The following TRIM31 variants were observed in gnomAD, a reference collection of about 807,000 sequenced individuals.
The protein encoded by TRIM31 is tripartite motif containing 31.
Under a neutral mutation model 40.6 loss-of-function variants are expected in TRIM31, and 31 were observed. That is an observed-to-expected ratio of 0.76 (90% CI 0.57 to 1.03). The LOEUF (loss-of-function observed/expected upper bound fraction) is 1.03, where lower values mean the gene tolerates loss of function less well. TRIM31 is among the 50% of genes least tolerant of loss of function. The pLI, the probability that TRIM31 is intolerant of heterozygous loss-of-function variation, is 0.00. For missense variants in TRIM31, 455 were observed against 497.5 expected, an observed-to-expected ratio of 0.91 and a Z score of 0.81; for synonymous variants, 164 against 193.9, an observed-to-expected ratio of 0.85 and a Z score of 1.28.
chr6:30,106,022 C>G (rs190895975), intron 6 of TRIM31, among the ~76,000 whole-genome samples: 3 of 152,362 alleles, frequency 2.0e-5, no homozygotes, highest in African/African-American at 7.2e-5. Context: ...TCCCAGTTCA[C>G]CCCTGCCAGA....
At chr6:30,106,082 G>T (rs1768655741) in intron 6 of TRIM31, among the ~76,000 whole-genome samples, 2 of 152,224 alleles carry the variant, frequency 1.3e-5, no homozygotes, top group South Asian at 2.1e-4. Context: ...GGGGACAATG[G>T]CCCATTCCTG....
rs369895511 is a variant in TRIM31 at position 30,110,667 on chromosome 6, T to G, written c.525A>C (p.Glu175Asp). 2.9e-4 allele frequency: 471 copies of G among 1,614,158 alleles called. 42 individuals are homozygous for G. Among genetic ancestry groups the G allele is most frequent in the East Asian group, 2.0e-3 (90 of 44,882 alleles). ...HRVDVFTDQVEHEKQRILTEF... is the reference protein window; with the variant it reads ...HRVDVFTDQVDHEKQRILTEF... ...CTGTGAGGATCCTTTGCTTCTCATG[T>G]TCTACCTGGTCCTAAGAAACAGGGA... The change falls in exon 4 of 9, where the codon GAA becomes GAC. Residue 175 changes from glutamate (E) to aspartate (D), a missense_variant. By Grantham distance (45) the Glu-to-Asp change is conservative. Transcript: ENST00000376734.
At chr6:30,111,891 A>C in intron 2 of TRIM31, 148 bp from the exon 3 acceptor site, 1 of 721,356 alleles carries the variant, frequency 1.4e-6, no homozygotes, top group Non-Finnish European at 2.3e-6. Flanking sequence ...CTGGCGGGGA[A>C]AGGGGTTGCT....
chr6:30,111,406 T>C (rs750035265), intron 3 of TRIM31: 1 of 529,538 alleles, frequency 1.9e-6, no homozygotes, highest in Non-Finnish European at 3.3e-6. Context: ...CTTGCGATTC[T>C]AAGACCAGCG....
intron 7 of TRIM31, among the ~76,000 whole-genome samples, chr6:30,104,554 TTCTC>T (rs1206539493): frequency 1.3e-5 from 2 of 152,148 alleles, no homozygotes; most frequent in Non-Finnish European, 2.9e-5. Flanking sequence ...GGAGTTCTAA[TTCTC>T]TCTCTTTCAC....
chr6:30,109,083 C>T (rs763513381), intron 4 of TRIM31, 35 bp from the exon 5 acceptor site: 1 of 1,612,328 alleles, frequency 6.2e-7, no homozygotes, highest in South Asian at 1.1e-5. Context: ...AGCCTCAGCA[C>T]TTGGCTGATT....
At chr6:30,108,559 C>CAAA (rs28381623) in intron 5 of TRIM31, among the ~76,000 whole-genome samples, 26 of 96,558 alleles carry the variant, frequency 2.7e-4, no homozygotes, top group Non-Finnish European at 3.7e-4. Context: ...AGCTCCATCT[C>CAAA]AAAAAAAAAA....
At chr6:30,105,102 A>G (rs1768544612) in intron 7 of TRIM31, 66 bp downstream of exon 7, 1 of 1,419,480 alleles carries the variant, frequency 7.0e-7, no homozygotes. Flanking sequence ...TCATAGAGAC[A>G]CAATTCTTCC....
In TRIM31 at chr6:30,105,189, T is replaced by C; in HGVS notation, c.937A>G (p.Asn313Asp). The change falls in exon 7 of 9, where the codon AAT (asparagine) becomes GAT (aspartate). Residue 313 changes from asparagine to aspartate, a missense_variant. Physicochemically the swap from Asn to Asp is conservative, Grantham distance 23. Coordinates refer to ENST00000376734, the MANE Select transcript of TRIM31 (RefSeq NM_007028.5). Reference protein sequence around the residue: ...KDENRFFKSMNKNDMKSWGLL... With the variant: ...KDENRFFKSMDKNDMKSWGLL... Reference sequence around the variant, plus strand: ...TTACAGCTCTTCATGTCATTTTTATTCATGCTTTTGAAGAATCTGTTTTCA... The same window carrying C: ...TTACAGCTCTTCATGTCATTTTTATCCATGCTTTTGAAGAATCTGTTTTCA... 6.2e-7 allele frequency: 1 copy of C among 1,612,858 alleles called. No homozygotes were observed. Among genetic ancestry groups the C allele is most frequent in the Non-Finnish European group, 8.5e-7 (1 of 1,179,974 alleles).
At position 30,111,756 on chromosome 6, in the gene TRIM31, G is replaced by C; in HGVS notation, c.418-13C>G. The C allele has an allele frequency of 6.2e-7, 1 of 1,613,934 alleles. No homozygotes were observed. The highest frequency in any genetic ancestry group is 8.5e-7 in the Non-Finnish European group (1 of 1,179,822). On this transcript the variant is annotated splice_polypyrimidine_tract_variant and intron_variant, in intron 2 of 8. Coordinates refer to ENST00000376734, the MANE Select transcript of TRIM31 (RefSeq NM_007028.5). ...CTTGAATCTGCCCCTGCGGAAAGAGGGCCGTTTGGACAGGCTGTGCCTGGA... is the reference window on the plus strand; with the variant it reads ...CTTGAATCTGCCCCTGCGGAAAGAGCGCCGTTTGGACAGGCTGTGCCTGGA...
chr6:30,111,868 C>T (rs148395274), intron 2 of TRIM31, 125 bp from the exon 3 acceptor site: 19 of 866,928 alleles, frequency 2.2e-5, no homozygotes, highest in Non-Finnish European at 3.3e-5. Flanking sequence ...ATTAAGGACT[C>T]GCCTTTCTCA....
intron 5 of TRIM31, 86 bp downstream of exon 5, chr6:30,108,940 G>A (rs1769018519): frequency 1.4e-6 from 2 of 1,419,770 alleles, no homozygotes; most frequent in South Asian, 2.3e-5. Context: ...TTCTGAGAGA[G>A]GAATGTTGAC....
At chr6:30,109,325 C>T (rs1467319487) in intron 4 of TRIM31, among the ~76,000 whole-genome samples, 1 of 140,282 alleles carries the variant, frequency 7.1e-6, no homozygotes, top group Non-Finnish European at 1.6e-5. Context: ...TGAGACTGAA[C>T]AAGGGAGCCT....
At position 30,112,467 on chromosome 6, in the gene TRIM31, G is replaced by A. The variant is rs1769441316; in HGVS notation, c.339C>T (p.Leu113=). Residue 113 remains leucine (L), a synonymous_variant, in exon 2 of 9, where the codon CTC becomes CTT. Coordinates refer to ENST00000376734, the MANE Select transcript of TRIM31 (RefSeq NM_007028.5). ...CCTTGGATTCACGACACACAAAACA[G>A]AGGAACTTCCCATCATCCTCGCAGA... is the stretch of plus-strand genomic sequence containing the variant. The part of the protein sequence containing the change: ...HYFCEDDGKF[L]CFVCRESKDH... 1 of 1,613,124 alleles carries A rather than the reference G, an allele frequency of 6.2e-7. No homozygotes were observed. The highest frequency in any genetic ancestry group is 1.1e-5 in the South Asian group (1 of 91,086).
intron 3 of TRIM31, 78 bp from the exon 4 acceptor site, chr6:30,110,756 T>G: frequency 7.3e-7 from 1 of 1,372,532 alleles, no homozygotes; most frequent in Non-Finnish European, 1.0e-6. Flanking sequence ...GCCATTAATT[T>G]TATTAAGTTT....
In TRIM31 at chr6:30,112,876, G is replaced by T; in HGVS notation, c.-71C>A. On this transcript the variant is annotated 5_prime_UTR_variant, in exon 2 of 9. Coordinates refer to ENST00000376734, the MANE Select transcript of TRIM31 (RefSeq NM_007028.5). Reference sequence around the variant, plus strand: ...GTCTGTAGGAGCCCCGGAGTCCACTGTGGATACTGTTTCTAGGAAGGGAGA... The same window carrying T: ...GTCTGTAGGAGCCCCGGAGTCCACTTTGGATACTGTTTCTAGGAAGGGAGA... 1 of 1,456,878 alleles carries T rather than the reference G, an allele frequency of 6.9e-7. No individual in the cohort carries two copies. 90.2% of individuals were successfully genotyped at this position (1,456,878 alleles called of 1,614,324 possible).
chr6:30,106,665 T>A (rs62390186), intron 6 of TRIM31, among the ~76,000 whole-genome samples: 19,533 of 151,144 alleles, frequency 0.13, 1,693 homozygotes, highest in East Asian at 0.3. Flanking sequence ...TTTGTGTATG[T>A]GAAAGAGGGA....
In TRIM31 at chr6:30,103,369, C is replaced by T; in HGVS notation, c.*167G>A. On this transcript the variant is annotated 3_prime_UTR_variant, in exon 9 of 9. Transcript: ENST00000376734. Reference sequence around the variant, plus strand: ...CTTCTCCAACTCTCTTCACCACCACCCCCGCCCCCATCTCCACTCTCAGTA... The same window carrying T: ...CTTCTCCAACTCTCTTCACCACCACTCCCGCCCCCATCTCCACTCTCAGTA... 4 of 944,740 alleles carry T rather than the reference C, an allele frequency of 4.2e-6. No individual in the cohort carries two copies. The highest frequency in any genetic ancestry group is 6.4e-6 in the Non-Finnish European group (4 of 626,410). The allele number at this position is 944,740 out of a possible 1,614,324, so 58.5% of individuals were successfully genotyped here.
chr6:30,111,527 C>G, intron 3 of TRIM31, 121 bp downstream of exon 3: 1 of 987,026 alleles, frequency 1.0e-6, no homozygotes, highest in Non-Finnish European at 1.5e-6. Context: ...GGTGCTGAGG[C>G]GCCGAGGAGA....
Sources: allele counts gnomAD v4.1 joint callset (sites outside exome capture counted in the v4.1 genomes callset), GRCh38; gene constraint gnomAD v4.1.1; transcripts MANE v1.5; gene names NCBI Gene and HGNC (gene_info 2026-07-23, HGNC 2026-07-21).